Variants in MYO19 observed in about 807,000 individuals in gnomAD.
MYO19 encodes the protein myosin XIX, also known as unconventional myosin-XIX.
A neutral mutation model predicts 129.2 loss-of-function variants in MYO19; 132 were observed. That is an observed-to-expected ratio of 1.02 (90% confidence interval 0.89 to 1.18). The LOEUF is 1.18. MYO19 is among the 50% of genes most tolerant of loss of function. The probability of loss-of-function intolerance (pLI) is 0.00; values close to 1 mark genes in which losing one functional copy is unlikely to be tolerated. For missense variants in MYO19, 1,210 were observed against 1,216.7 expected (o/e 0.99, Z 0.08); for synonymous variants, 531 against 477.2 (o/e 1.11, Z -1.47).
At chr17:36,544,567 G>T (rs927790727), upstream of MYO19, among the ~76,000 whole-genome samples, 3 of 152,234 alleles carry the variant, frequency 2.0e-5, no homozygotes, top group African/African-American at 7.2e-5. Context: ...CTCGCTGAAA[G>T]AATTCCCCTT....
At chr17:36,510,279 GTGCTACA>G (rs1428191792) in intron 13 of MYO19, among the ~76,000 whole-genome samples, 1 of 152,228 alleles carries the variant, frequency 6.6e-6, no homozygotes, top group Admixed American at 6.5e-5. Flanking sequence ...CTTCACCACT[GTGCTACA>G]TGCTGTGGGC....
chr17:36,507,313 C>T, intron 16 of MYO19, 86 bp downstream of exon 16: 2 of 1,442,100 alleles, frequency 1.4e-6, no homozygotes, highest in Non-Finnish European at 9.6e-7. Flanking sequence ...AGGAGAGAGG[C>T]ACAGAGAGGA....
intron 7 of MYO19, 147 bp downstream of exon 7, chr17:36,515,711 G>A: frequency 1.3e-6 from 1 of 745,358 alleles, no homozygotes; most frequent in African/African-American, 1.8e-5. Flanking sequence ...GTACCAGGGA[G>A]AGGTTGGGGA....
chr17:36,522,028 TAA>T (rs370448301), intron 6 of MYO19, among the ~76,000 whole-genome samples: 7 of 115,282 alleles, frequency 6.1e-5, no homozygotes, highest in Admixed American at 2.8e-4. Flanking sequence ...AGACTGTCTT[TAA>T]AAAAAAAAAA....
intron 15 of MYO19, 145 bp downstream of exon 15, chr17:36,507,658 A>C: frequency 1.6e-6 from 2 of 1,228,498 alleles, no homozygotes; most frequent in Non-Finnish European, 2.3e-6. Flanking sequence ...ATTGTACTCC[A>C]TATGTGCAAT....
At chr17:36,500,624 G>T (rs771991496) in intron 23 of MYO19, 7 of 653,386 alleles carry the variant, frequency 1.1e-5, no homozygotes, top group Non-Finnish European at 1.7e-5. Flanking sequence ...GAGCACCTTT[G>T]TTTGTGGAGT....
rs757340488 is a variant in MYO19 at position 36,507,029 on chromosome 17, G to A, written c.1578C>T (p.Ser526=). 1.9e-6 allele frequency: 3 copies of A among 1,613,600 alleles called. No homozygotes were observed. In the South Asian group the frequency reaches 3.3e-5, roughly 18 times the overall value. ...LGHNKLSREP[S]FIVVHYAGPV... The stretch of plus-strand genomic sequence containing the variant: ...GCCCCGCATAATGCACCACAATGAA[G>A]CTGGGCTCCCGGCTGAGCTTATTGT... The change falls in exon 17 of 26, where the codon AGC becomes AGT. Residue 526 remains serine (S), a synonymous_variant. Transcript: ENST00000614623.
intron 6 of MYO19, among the ~76,000 whole-genome samples, chr17:36,522,042 A>AG (rs2073167877): frequency 6.6e-6 from 1 of 151,112 alleles, no homozygotes; most frequent in African/African-American, 2.4e-5. Flanking sequence ...AAAAAAAAAA[A>AG]AAAAAGAAAA....
chr17:36,526,450 T>C (rs560133324), intron 5 of MYO19, among the ~76,000 whole-genome samples: 1 of 152,274 alleles, frequency 6.6e-6, no homozygotes, highest in East Asian at 1.9e-4. Context: ...AACAAGCTCA[T>C]TATCTGTCTG....
At chr17:36,501,257 A>G in intron 21 of MYO19, 22 bp from the exon 22 acceptor site, 3 of 1,598,968 alleles carry the variant, frequency 1.9e-6, no homozygotes, top group Non-Finnish European at 2.6e-6. Context: ...AGATGGCCCC[A>G]TCAGTGCATG....
chr17:36,503,220 G>C lies in MYO19; in HGVS notation c.1977-20C>G. 1 of 1,588,034 alleles carries C rather than the reference G, an allele frequency of 6.3e-7. No homozygotes were observed. The highest frequency in any genetic ancestry group is 8.7e-7 in the Non-Finnish European group (1 of 1,156,066). ...GAGACCCTGGAGGCCAAAGCAGGCA[G>C]AAGTAGAGAATTACTTCATCTGTGA... On this transcript the variant is annotated intron_variant, in intron 20 of 25. Transcript: ENST00000614623.
intron 25 of MYO19, chr17:36,497,910 G>A (rs2071150213): frequency 4.0e-6 from 1 of 249,452 alleles, no homozygotes; most frequent in Non-Finnish European, 7.7e-6. Flanking sequence ...ATCACCTCCT[G>A]CTCCTGACTC....
At chr17:36,521,318 C>T (rs1025152989) in intron 6 of MYO19, among the ~76,000 whole-genome samples, 4 of 151,848 alleles carry the variant, frequency 2.6e-5, no homozygotes, top group Non-Finnish European at 4.4e-5. Flanking sequence ...GCCTCTTTTA[C>T]GTGAAATGAC....
chr17:36,519,402 T>A (rs944914732), intron 6 of MYO19, among the ~76,000 whole-genome samples: 3 of 152,220 alleles, frequency 2.0e-5, no homozygotes, highest in African/African-American at 7.2e-5. Context: ...GTTAGGATGT[T>A]ATATTTTTTC....
chr17:36,528,024 C>T (rs1349777333), intron 4 of MYO19, 40 bp downstream of exon 4: 1 of 1,596,304 alleles, frequency 6.3e-7, no homozygotes, highest in South Asian at 1.1e-5. Context: ...CACCTCCAAC[C>T]TCCTGGAGAT....
rs367750243 is a variant in MYO19 at position 36,501,242 on chromosome 17, G to A, written c.2081-7C>T. 1 of 1,606,050 alleles carries A rather than the reference G, an allele frequency of 6.2e-7. No individual in the cohort carries two copies. The highest frequency in any genetic ancestry group is 1.1e-5 in the South Asian group (1 of 89,634). The stretch of plus-strand genomic sequence containing the variant: ...TCGCTGTGTGGACACCATTCTGGGG[G>A]AGGGAGATGGCCCCATCAGTGCATG... On this transcript the variant is annotated splice_region_variant and splice_polypyrimidine_tract_variant and intron_variant, in intron 21 of 25. Transcript: ENST00000614623.
At chr17:36,515,304 TG>T (rs1430676090) in intron 7 of MYO19, 122 bp from the exon 8 acceptor site, 1 of 761,582 alleles carries the variant, frequency 1.3e-6, no homozygotes, top group Non-Finnish European at 2.1e-6. Flanking sequence ...GCCCCTTTGT[TG>T]GTTTTCATGT....
chr17:36,520,482 A>G lies in MYO19; in HGVS notation c.415-4492T>C, dbSNP rs182915312. Among the ~76,000 whole-genome samples the G allele has an allele frequency of 6.6e-5, 10 of 152,254 alleles. No homozygotes were observed. In the East Asian group the frequency reaches 1.9e-3, roughly 29 times the overall value. On this transcript the variant is annotated intron_variant, in intron 6 of 25. Transcript: ENST00000614623. ...CAATTACAAGTACAGTTGACCCTTGAAAACACGTGTTTGAATTGCATGGGT... is the reference window on the plus strand; with the variant it reads ...CAATTACAAGTACAGTTGACCCTTGGAAACACGTGTTTGAATTGCATGGGT...
At chr17:36,510,704 T>A (rs775439176) in intron 13 of MYO19, 42 bp downstream of exon 13, 2 of 1,543,270 alleles carry the variant, frequency 1.3e-6, no homozygotes, top group African/African-American at 2.7e-5. Context: ...GAAGAGCACT[T>A]GTCGGGGTCC....
Sources: gnomAD v4.1 joint callset for allele counts (sites outside exome capture counted in the v4.1 genomes callset) on GRCh38, gnomAD v4.1.1 for gene constraint, MANE v1.5 for transcripts, NCBI Gene and HGNC (gene_info 2026-07-23, HGNC 2026-07-21) for gene names.